PCID2: variants seen among roughly 807,000 people sequenced by gnomAD.
The protein encoded by PCID2 is PCI domain-containing protein 2.
A neutral mutation model predicts 61.3 loss-of-function variants in PCID2; 41 were observed. The ratio of observed to expected loss-of-function variants is 0.67; its 90% CI spans 0.52 to 0.87. PCID2 has a LOEUF of 0.87. Among genes scored for constraint, PCID2 ranks in the 40% least tolerant of loss-of-function variants. The pLI, the probability that PCID2 is intolerant of heterozygous loss-of-function variation, is 0.00. For synonymous variants in PCID2, 187 were observed against 177.8 expected (o/e 1.05, Z -0.41); for missense variants, 392 against 493.4 (o/e 0.79, Z 1.95).
At chr13:113,201,146 T>TA (rs59636625) in intron 1 of PCID2, among the ~76,000 whole-genome samples, 2,803 of 151,910 alleles carry the variant, frequency 0.018, 80 homozygotes, top group African/African-American at 0.063. Flanking sequence ...AACCTTAATA[T>TA]AAAATAAAAG....
chr13:113,182,314 T>C (rs2037713765), intron 9 of PCID2, among the ~76,000 whole-genome samples: 1 of 152,094 alleles, frequency 6.6e-6, no homozygotes, highest in African/African-American at 2.4e-5. Flanking sequence ...CCAGCGTCTC[T>C]TCCAAACCAC....
intron 1 of PCID2, among the ~76,000 whole-genome samples, chr13:113,202,479 T>C (rs1405680542): frequency 6.6e-6 from 1 of 152,178 alleles, no homozygotes; most frequent in African/African-American, 2.4e-5. Context: ...TAAATATCCA[T>C]CCATAGAGAC....
At chr13:113,208,523 G>T (rs1359110184) in intron 1 of PCID2, 76 bp downstream of exon 1, 3 of 1,567,730 alleles carry the variant, frequency 1.9e-6, no homozygotes, top group African/African-American at 1.4e-5. Context: ...AGGCCTGAGG[G>T]TCCAAGGCAG....
intron 7 of PCID2, 77 bp from the exon 8 acceptor site, chr13:113,185,637 AC>A (rs1257874682): frequency 1.1e-6 from 1 of 897,004 alleles, no homozygotes; most frequent in East Asian, 2.6e-5. Flanking sequence ...AACTGCCTAA[AC>A]AAATTAATAT....
chr13:113,200,924 C>T (rs537402723), intron 1 of PCID2, among the ~76,000 whole-genome samples: 1 of 151,152 alleles, frequency 6.6e-6, no homozygotes, highest in South Asian at 2.1e-4. Context: ...TAAAACAGAC[C>T]AAAAAAACAA....
chr13:113,177,214 T>C (rs2037209138), downstream of PCID2, among the ~76,000 whole-genome samples: 1 of 152,218 alleles, frequency 6.6e-6, no homozygotes, highest in South Asian at 2.1e-4. Context: ...CTCGGCTCAC[T>C]GCAACCTTTG....
intron 2 of PCID2, among the ~76,000 whole-genome samples, chr13:113,198,849 T>C (rs1421638849): frequency 1.3e-5 from 2 of 152,246 alleles, no homozygotes; most frequent in Non-Finnish European, 2.9e-5. Flanking sequence ...CATTTCAGTA[T>C]ATTAGTATTC....
intron 6 of PCID2, among the ~76,000 whole-genome samples, chr13:113,191,361 T>C (rs957002613): frequency 5.3e-5 from 8 of 152,050 alleles, no homozygotes; most frequent in South Asian, 2.1e-4. Flanking sequence ...AAGCAAAAAA[T>C]GGGTACAATT....
At chr13:113,198,546 A>T (rs371140146) in intron 2 of PCID2, among the ~76,000 whole-genome samples, 1 of 152,272 alleles carries the variant, frequency 6.6e-6, no homozygotes, top group Admixed American at 6.5e-5. Context: ...TACAAAAAAA[A>T]TTACAAAAAT....
intron 1 of PCID2, 64 bp from the exon 2 acceptor site, chr13:113,200,580 A>G (rs2039345955): frequency 8.6e-6 from 9 of 1,044,888 alleles, no homozygotes; most frequent in Non-Finnish European, 1.3e-5. Context: ...AGAACCTACA[A>G]CAATACACTG....
intron 6 of PCID2, 144 bp from the exon 7 acceptor site, chr13:113,191,119 A>T (rs1216017138): frequency 2.1e-6 from 1 of 477,016 alleles, no homozygotes; most frequent in Non-Finnish European, 3.7e-6. Context: ...CAGCCTCCTG[A>T]GGAGCTGGAA....
intron 6 of PCID2, among the ~76,000 whole-genome samples, chr13:113,192,730 G>A (rs2038717258): frequency 6.6e-6 from 1 of 152,140 alleles, no homozygotes; most frequent in Non-Finnish European, 1.5e-5. Context: ...TTTAACAGTG[G>A]TATATCAGCA....
rs760400800 is a variant in PCID2, at chr13:113,180,179, G to T, written c.839C>A (p.Ala280Glu). ...CTACCTCACAGCTCTGGTTACTTCC[G>T]CAAACTGCATCAGGTGATACTTTTT... ...LLKKYHLMQF[A>E]EVTRAVSEGN... The change falls in exon 11 of 14, where the codon GCG (alanine) becomes GAG (glutamate). Residue 280 changes from alanine (A) to glutamate (E), a missense_variant. Physicochemically the swap from Ala to Glu is moderately radical, Grantham distance 107. Transcript: ENST00000337344. 6.2e-7 allele frequency: 1 copy of T among 1,613,746 alleles called. No homozygotes were observed. The highest frequency in any genetic ancestry group is 8.5e-7 in the Non-Finnish European group (1 of 1,179,742).
chr13:113,193,982 T>C (rs1236505475), intron 6 of PCID2, among the ~76,000 whole-genome samples: 2 of 152,220 alleles, frequency 1.3e-5, no homozygotes, highest in African/African-American at 4.8e-5. Context: ...TTTGAGGCAC[T>C]ACCTGACGAG....
intron 2 of PCID2, 100 bp downstream of exon 2, chr13:113,200,327 A>G (rs2039324092): frequency 1.4e-6 from 1 of 736,600 alleles, no homozygotes; most frequent in Admixed American, 2.4e-5. Flanking sequence ...TAAGAGTGAC[A>G]ATATTAGTTT....
chr13:113,182,248 G>A (rs138378386), intron 9 of PCID2, among the ~76,000 whole-genome samples: 4 of 152,244 alleles, frequency 2.6e-5, no homozygotes, highest in Non-Finnish European at 5.9e-5. Flanking sequence ...AAACTATGTG[G>A]CCACATTGGC....
the PCID2 span, among the ~76,000 whole-genome samples, chr13:113,170,993 G>A: frequency 4.6e-5 from 7 of 151,864 alleles, no homozygotes; most frequent in African/African-American, 1.7e-4. Context: ...CATGATCCAG[G>A]CTCACTGCAA....
intron 6 of PCID2, among the ~76,000 whole-genome samples, chr13:113,192,184 C>G (rs1388810666): frequency 6.6e-6 from 1 of 152,188 alleles, no homozygotes; most frequent in Non-Finnish European, 1.5e-5. Context: ...AGCCCAGGAA[C>G]TCAAGGCTGC....
At chr13:113,208,236 G>C (rs1260729101) in intron 1 of PCID2, 3 of 1,469,614 alleles carry the variant, frequency 2.0e-6, no homozygotes, top group Admixed American at 4.6e-5. Context: ...ATCCGACACA[G>C]CACCGCCCAC....
Sources: allele counts gnomAD v4.1 joint callset (sites outside exome capture counted in the v4.1 genomes callset), GRCh38; gene constraint gnomAD v4.1.1; transcripts MANE v1.5; gene names NCBI Gene and HGNC (gene_info 2026-07-23, HGNC 2026-07-21).